Variants in NBDY observed in about 807,000 individuals in gnomAD.
NBDY encodes negative regulator of P-body association, also known as P-body dissociating protein.
At chrX:56,763,870 C>T (rs924570651) in intron 2 of NBDY, among the ~76,000 whole-genome samples, 7 of 112,268 alleles carry the variant, frequency 6.2e-5, no homozygotes, top group African/African-American at 1.3e-4. Flanking sequence ...TGGGAAAAGG[C>T]GGAGGCCCTG....
chrX:56,752,330 T>C (rs2069589804), intron 2 of NBDY, among the ~76,000 whole-genome samples: 1 of 112,256 alleles, frequency 8.9e-6, no homozygotes, highest in Admixed American at 9.4e-5. Context: ...CAGCAATGTA[T>C]ACGTGTTCCC....
chrX:56,789,023 A>C (rs1002341418), intron 2 of NBDY, among the ~76,000 whole-genome samples: 4 of 112,788 alleles, frequency 3.5e-5, no homozygotes, highest in Non-Finnish European at 5.6e-5. Flanking sequence ...GTTCAGAAAC[A>C]TCTTCCTCTG....
At chrX:56,766,997 G>A (rs1051079007) in intron 2 of NBDY, among the ~76,000 whole-genome samples, 2 of 112,539 alleles carry the variant, frequency 1.8e-5, no homozygotes, top group South Asian at 3.7e-4. Context: ...TCCGTTCTTC[G>A]GACCTCCATG....
chrX:56,758,827 G>T (rs138307009), intron 2 of NBDY, among the ~76,000 whole-genome samples: 56 of 111,625 alleles, frequency 5.0e-4, no homozygotes, highest in African/African-American at 1.6e-3. Flanking sequence ...AAACTCTGGT[G>T]CTTGCCAGAT....
chrX:56,740,151 TTTAC>T (rs1292446634), intron 2 of NBDY, among the ~76,000 whole-genome samples: 3 of 111,784 alleles, frequency 2.7e-5, no homozygotes, highest in African/African-American at 9.7e-5. Flanking sequence ...AAACACACTT[TTTAC>T]TTACTTTAAA....
intron 2 of NBDY, among the ~76,000 whole-genome samples, chrX:56,795,380 G>A (rs770801001): frequency 2.4e-4 from 27 of 111,985 alleles, no homozygotes; most frequent in African/African-American, 7.1e-4. Flanking sequence ...AAAGCCTGAC[G>A]TGGTCCATCA....
chrX:56,746,668 G>A (rs1237807769), intron 2 of NBDY, among the ~76,000 whole-genome samples: 5 of 109,687 alleles, frequency 4.6e-5, no homozygotes, highest in African/African-American at 6.6e-5. Context: ...TCTGAGATCT[G>A]TAGATCTCAG....
chrX:56,804,609 G>A (rs1214039424), intron 2 of NBDY, among the ~76,000 whole-genome samples: 1 of 112,606 alleles, frequency 8.9e-6, no homozygotes, highest in Non-Finnish European at 1.9e-5. Flanking sequence ...GGGCATGGAA[G>A]TGAAGGTTGA....
intron 2 of NBDY, among the ~76,000 whole-genome samples, chrX:56,792,354 CT>C (rs756646122): frequency 9.0e-6 from 1 of 111,036 alleles, no homozygotes. Context: ...TCCTCTGTCT[CT>C]TTTTTTTCCA....
chrX:56,817,031 G>A (rs1333397790), intron 2 of NBDY, among the ~76,000 whole-genome samples: 1 of 111,653 alleles, frequency 9.0e-6, no homozygotes, highest in African/African-American at 3.2e-5. Context: ...AGACATCCCT[G>A]TACTTTTTGG....
chrX:56,811,906 T>C lies in NBDY; in HGVS notation c.*167-5414T>C, dbSNP rs1012368048. Reference sequence around the variant, plus strand: ...CTGGTGGCATGGGCACTGGAGTGAATCTCCTGGTCTGCGGGTTGTGAAGAC... The same window carrying C: ...CTGGTGGCATGGGCACTGGAGTGAACCTCCTGGTCTGCGGGTTGTGAAGAC... On this transcript the variant is annotated intron_variant, in intron 2 of 2. Coordinates refer to ENST00000374922, the MANE Select transcript of NBDY (RefSeq NM_001348129.2). Among the ~76,000 whole-genome samples the C allele has an allele frequency of 1.3e-4, 15 of 111,898 alleles. 1 individual carries two copies. The highest frequency in any genetic ancestry group is 1.2e-3 in the Admixed American group (13 of 10,628).
intron 2 of NBDY, among the ~76,000 whole-genome samples, chrX:56,781,485 G>T (rs974079554): frequency 1.9e-4 from 21 of 111,595 alleles, no homozygotes; most frequent in African/African-American, 6.5e-4. Context: ...TCTGGCTGGC[G>T]CCTTATCCTG....
At chrX:56,806,482 T>C (rs2069850989) in intron 2 of NBDY, among the ~76,000 whole-genome samples, 1 of 112,082 alleles carries the variant, frequency 8.9e-6, no homozygotes, top group African/African-American at 3.2e-5. Context: ...TCAGCATCTG[T>C]TATTTTCTGA....
intron 2 of NBDY, among the ~76,000 whole-genome samples, chrX:56,799,281 G>C (rs1054469048): frequency 8.9e-6 from 1 of 112,894 alleles, no homozygotes; most frequent in Non-Finnish European, 1.9e-5. Context: ...TCCCAGGGAG[G>C]ATAGGGTGCC....
chrX:56,811,855 C>A (rs1421571940), intron 2 of NBDY, among the ~76,000 whole-genome samples: 1 of 111,988 alleles, frequency 8.9e-6, no homozygotes, highest in African/African-American at 3.3e-5. Context: ...AACGGCCACC[C>A]AGTTTTGTGC....
intron 2 of NBDY, among the ~76,000 whole-genome samples, chrX:56,789,076 T>A (rs2069746234): frequency 8.9e-6 from 1 of 112,222 alleles, no homozygotes. Context: ...GTCTTTTCCT[T>A]CCCCCACCTT....
At chrX:56,739,648 G>A (rs747970753) in intron 2 of NBDY, among the ~76,000 whole-genome samples, 1 of 110,459 alleles carries the variant, frequency 9.1e-6, no homozygotes, top group Admixed American at 9.7e-5. Context: ...TGTTCTCAGG[G>A]CATCATAATG....
chrX:56,764,229 G>A (rs904614112), intron 2 of NBDY, among the ~76,000 whole-genome samples: 2 of 112,440 alleles, frequency 1.8e-5, no homozygotes, highest in Middle Eastern at 4.6e-3. Context: ...TTTGTTCCCC[G>A]GGAGGATCGG....
intron 2 of NBDY, among the ~76,000 whole-genome samples, chrX:56,788,119 T>C (rs918041880): frequency 1.8e-5 from 2 of 112,594 alleles, no homozygotes; most frequent in African/African-American, 6.5e-5. Context: ...GCTGCCTCCA[T>C]AGCATTCCCG....
Sources: gnomAD v4.1 joint callset for allele counts (sites outside exome capture counted in the v4.1 genomes callset) on GRCh38, gnomAD v4.1.1 for gene constraint, MANE v1.5 for transcripts, NCBI Gene and HGNC (gene_info 2026-07-23, HGNC 2026-07-21) for gene names.